Variants in SUGP2 observed in about 807,000 individuals in gnomAD.
The protein encoded by SUGP2 is SURP and G-patch domain containing 2.
SUGP2 carries 24 observed loss-of-function variants against 90.5 expected under a neutral mutation model. The ratio of observed to expected loss-of-function variants is 0.27; its 90% CI spans 0.19 to 0.37. The LOEUF (loss-of-function observed/expected upper bound fraction) is 0.37, where lower values mean the gene tolerates loss of function less well. SUGP2 is among the 10% of genes least tolerant of loss of function. SUGP2 has a pLI of 1.00. For missense variants in SUGP2, 1,233 were observed against 1,363.3 expected (o/e 0.90, Z 1.51); for synonymous variants, 473 against 513.4 (o/e 0.92, Z 1.06).
In SUGP2 at chr19:19,025,160, G is replaced by A. The variant is rs749981113; in HGVS notation, c.1188C>T (p.Pro396=). 1 of 1,612,698 alleles carries A rather than the reference G, an allele frequency of 6.2e-7. No individual in the cohort carries two copies. Among genetic ancestry groups the A allele is most frequent in the East Asian group, 2.2e-5 (1 of 44,886 alleles). ...KFLKHSALKT[P]RVDNEFLNML... Reference sequence around the variant, plus strand: ...TGTTTAAAAACTCATTATCAACTCTGGGTGTTTTCAAAGCAGAGTGCTTTA... The same window carrying A: ...TGTTTAAAAACTCATTATCAACTCTAGGTGTTTTCAAAGCAGAGTGCTTTA... The change falls in exon 3 of 11, where the codon CCC becomes CCT. Residue 396 remains proline, a synonymous_variant. Transcript: ENST00000452918.
At position 19,025,136 on chromosome 19, in the gene SUGP2, G is replaced by A. The variant is rs766890879; in HGVS notation, c.1212C>T (p.Asn404=). The change falls in exon 3 of 11, where the codon AAC becomes AAT. Residue 404 remains asparagine (N), a synonymous_variant. Coordinates refer to ENST00000452918, the MANE Select transcript of SUGP2 (RefSeq NM_001017392.5). ...KTPRVDNEFL[N]MLLDKGAVKT... The stretch of plus-strand genomic sequence containing the variant: ...TCACAGCACCTTTGTCTAAAAGCAT[G>A]TTTAAAAACTCATTATCAACTCTGG... 2.5e-6 allele frequency: 4 copies of A among 1,612,962 alleles called. No individual in the cohort carries two copies. The highest frequency in any genetic ancestry group is 3.4e-6 in the Non-Finnish European group (4 of 1,179,784).
intron 3 of SUGP2, among the ~76,000 whole-genome samples, chr19:19,019,768 TA>T (rs57972000): frequency 0.013 from 1,692 of 128,986 alleles, 24 homozygotes; most frequent in African/African-American, 0.045. Context: ...TTTAAGAACT[TA>T]AAAAAAAAAC....
In SUGP2 at chr19:18,994,462, C is replaced by G. The variant is rs1197016184; in HGVS notation, c.3153G>C (p.Gly1051=). Residue 1051 remains glycine (G), a synonymous_variant, in exon 10 of 11, where the codon GGG becomes GGC. Coordinates refer to ENST00000452918, the MANE Select transcript of SUGP2 (RefSeq NM_001017392.5). ...TGTGCTCCTGCCCGTCAGCACCCAA[C>G]CCTTCCCCTTCCGAGGGGGTTCCCC... ...VSVGTPSEGE[G]LGADGQEHKE... 6.2e-7 allele frequency: 1 copy of G among 1,614,182 alleles called. No individual in the cohort carries two copies. The highest frequency in any genetic ancestry group is 1.7e-5 in the Admixed American group (1 of 60,022).
chr19:18,998,976 G>C (rs530137214), intron 8 of SUGP2: 1 of 152,516 alleles, frequency 6.6e-6, no homozygotes, highest in African/African-American at 2.4e-5. Flanking sequence ...AGCTGTGCAC[G>C]ACCTGGGCCC....
chr19:19,008,505 G>GC, intron 5 of SUGP2, 77 bp from the exon 6 acceptor site: 1 of 1,190,374 alleles, frequency 8.4e-7, no homozygotes, highest in Admixed American at 1.7e-5. Context: ...GGTTGTGGAG[G>GC]CTGATTATAA....
chr19:18,999,260 C>T (rs1360803246), intron 8 of SUGP2, among the ~76,000 whole-genome samples: 4 of 152,206 alleles, frequency 2.6e-5, no homozygotes, highest in Non-Finnish European at 5.9e-5. Context: ...CACGGCCTCC[C>T]TTCCACCCAC....
intron 4 of SUGP2, among the ~76,000 whole-genome samples, chr19:19,013,504 T>C (rs146101519): frequency 5.9e-5 from 9 of 152,334 alleles, no homozygotes; most frequent in African/African-American, 2.2e-4. Flanking sequence ...ACTTTTATTT[T>C]GTATCAATAT....
chr19:19,030,308 G>A (rs1257787607), intron 2 of SUGP2, among the ~76,000 whole-genome samples: 2 of 152,070 alleles, frequency 1.3e-5, no homozygotes, highest in East Asian at 3.9e-4. Flanking sequence ...TGGCCAACAT[G>A]GTAAAACCTC....
In SUGP2 at chr19:19,033,451, G is replaced by A; in HGVS notation, c.-26C>T. The A allele has an allele frequency of 1.4e-6, 2 of 1,393,264 alleles. No homozygotes were observed. Among genetic ancestry groups the A allele is most frequent in the Non-Finnish European group, 1.9e-6 (2 of 1,073,102 alleles). The allele number at this position is 1,393,264 out of a possible 1,614,324, so 86.3% of individuals were successfully genotyped here. A position where few individuals can be genotyped will look rare whatever the true frequency, so the allele number is the denominator to read the frequency against. ...CCGGGCCTCACCCCGAGACCACCGC[G>A]CGCGGAGCCACCCCCGCCGCCGCCT... On this transcript the variant is annotated 5_prime_UTR_variant, in exon 1 of 11. Coordinates refer to ENST00000452918, the MANE Select transcript of SUGP2 (RefSeq NM_001017392.5).
upstream of SUGP2, chr19:19,033,661 G>A (rs1159576897): frequency 5.3e-6 from 4 of 758,594 alleles, no homozygotes; most frequent in Admixed American, 9.9e-5. Flanking sequence ...ACGCTCTGGA[G>A]GCAAAACATT....
intron 2 of SUGP2, among the ~76,000 whole-genome samples, chr19:19,027,915 CG>C (rs1425510431): frequency 1.3e-5 from 2 of 152,182 alleles, no homozygotes; most frequent in African/African-American, 4.8e-5. Context: ...GGATTACAGG[CG>C]TGAGCCACCG....
rs771931425 is a variant in SUGP2 at position 19,004,530 on chromosome 19, T to C, written c.2567A>G (p.Asp856Gly). 16 of 1,614,226 alleles carry C rather than the reference T, an allele frequency of 9.9e-6. No individual in the cohort carries two copies. Among genetic ancestry groups the C allele is most frequent in the Non-Finnish European group, 1.4e-5 (16 of 1,180,012 alleles). ...GGGGCTCTCCTGAGAACCCGTGGTGTCACCACCACCAGTGTGAAGGTTGTG... is the reference window on the plus strand; with the variant it reads ...GGGGCTCTCCTGAGAACCCGTGGTGCCACCACCACCAGTGTGAAGGTTGTG... Reference protein sequence around the residue: ...SPHNLHTGGGDTTGSQESPVD... With the variant: ...SPHNLHTGGGGTTGSQESPVD... Residue 856 changes from aspartate (D) to glycine (G), a missense_variant, in exon 7 of 11, where the codon GAC becomes GGC. Physicochemically the swap from Asp to Gly is moderately conservative, Grantham distance 94. This residue lies in a region of SUGP2 where 540 missense variants were observed against 542.6 expected (regional missense o/e 1.00). Coordinates refer to ENST00000452918, the MANE Select transcript of SUGP2 (RefSeq NM_001017392.5).
chr19:19,027,449 C>T (rs1443017597), intron 2 of SUGP2, among the ~76,000 whole-genome samples: 2 of 152,222 alleles, frequency 1.3e-5, no homozygotes, highest in African/African-American at 4.8e-5. Flanking sequence ...GTACTAGGCA[C>T]TGAAGTTACA....
chr19:19,022,684 T>C (rs1437954357), intron 3 of SUGP2, among the ~76,000 whole-genome samples: 2 of 152,086 alleles, frequency 1.3e-5, no homozygotes, highest in African/African-American at 4.8e-5. Flanking sequence ...TTTTCTTCCT[T>C]CATACAGTAT....
At chr19:19,028,396 G>A (rs2059016095) in intron 2 of SUGP2, among the ~76,000 whole-genome samples, 2 of 152,186 alleles carry the variant, frequency 1.3e-5, no homozygotes, top group African/African-American at 4.8e-5. Context: ...CTGCTGCACA[G>A]GGAACAGATT....
intron 6 of SUGP2, among the ~76,000 whole-genome samples, chr19:19,007,852 C>T (rs751161701): frequency 2.6e-5 from 4 of 151,402 alleles, no homozygotes; most frequent in Admixed American, 6.6e-5. Flanking sequence ...CTCCGCCTCC[C>T]GGGTTTAAGC....
chr19:19,017,573 A>T (rs946969027), intron 4 of SUGP2, among the ~76,000 whole-genome samples: 7 of 151,930 alleles, frequency 4.6e-5, no homozygotes, highest in Admixed American at 4.6e-4. Flanking sequence ...GGAGTTCAAG[A>T]CCACCCTGGG....
intron 3 of SUGP2, 68 bp from the exon 4 acceptor site, chr19:19,019,297 T>C (rs1339003613): frequency 1.9e-6 from 3 of 1,549,038 alleles, no homozygotes; most frequent in Non-Finnish European, 2.6e-6. Context: ...CGAGGATAGT[T>C]GAGTAGTTGG....
intron 4 of SUGP2, among the ~76,000 whole-genome samples, chr19:19,014,434 C>CA (rs2145549220): frequency 6.6e-6 from 1 of 152,200 alleles, no homozygotes; most frequent in South Asian, 2.1e-4. Context: ...TGCTGGCCCT[C>CA]AGAGGGTGGA....
Sources: allele counts gnomAD v4.1 joint callset (sites outside exome capture counted in the v4.1 genomes callset), GRCh38; gene constraint gnomAD v4.1.1; regional missense constraint gnomAD v4.1.1; transcripts MANE v1.5; gene names NCBI Gene and HGNC (gene_info 2026-07-23, HGNC 2026-07-21).